The following SCAPER variants were observed in gnomAD, a reference collection of about 807,000 sequenced individuals.
The protein encoded by SCAPER is S phase cyclin A-associated protein in the endoplasmic reticulum.
In SCAPER, 98 loss-of-function variants were observed where a neutral mutation model predicts 182.2. That is an observed-to-expected ratio of 0.54 (90% CI 0.46 to 0.64). The LOEUF is 0.64. Among genes scored for constraint, SCAPER ranks in the 30% least tolerant of loss-of-function variants. The probability of loss-of-function intolerance (pLI) is 0.00; values close to 1 mark genes in which losing one functional copy is unlikely to be tolerated. For missense variants in SCAPER, 1,432 were observed against 1,690.0 expected (o/e 0.85, Z 2.68); for synonymous variants, 605 against 564.6 (o/e 1.07, Z -1.01).
chr15:76,855,940 A>G (rs1321853615), intron 4 of SCAPER: 2 of 352,054 alleles, frequency 5.7e-6, no homozygotes, highest in Non-Finnish European at 1.2e-5. Flanking sequence ...AGAGGAATAT[A>G]AATCATTCTA....
At chr15:76,827,078 A>G (rs914008143) in intron 5 of SCAPER, among the ~76,000 whole-genome samples, 27 of 152,226 alleles carry the variant, frequency 1.8e-4, no homozygotes, top group Non-Finnish European at 3.4e-4. Context: ...GACAAAAAAA[A>G]GTAAGGTGGA....
intron 5 of SCAPER, among the ~76,000 whole-genome samples, chr15:76,812,211 G>A (rs1598866683): frequency 6.6e-6 from 1 of 152,274 alleles, no homozygotes; most frequent in African/African-American, 2.4e-5. Flanking sequence ...CTACTCAGGA[G>A]GCTGAGGTGG....
At chr15:76,812,079 C>T (rs966960809) in intron 5 of SCAPER, among the ~76,000 whole-genome samples, 5 of 151,854 alleles carry the variant, frequency 3.3e-5, no homozygotes, top group Non-Finnish European at 5.9e-5. Context: ...TTTGGGAGGC[C>T]GAGGCAGGCA....
At chr15:76,530,963 G>A (rs564618594) in intron 23 of SCAPER, among the ~76,000 whole-genome samples, 1 of 151,042 alleles carries the variant, frequency 6.6e-6, no homozygotes, top group Non-Finnish European at 1.5e-5. Context: ...AGGTATATAT[G>A]TGTATATATA....
intron 22 of SCAPER, among the ~76,000 whole-genome samples, chr15:76,584,870 GTTCTATTCACAAAAGACTATA>G (rs1488487113): frequency 5.9e-5 from 9 of 151,998 alleles, no homozygotes; most frequent in Non-Finnish European, 1.3e-4. Context: ...AAATAAGAAA[GTTCTATTCACAAAAGACTATA>G]TTCCCAGAAT....
intron 5 of SCAPER, among the ~76,000 whole-genome samples, chr15:76,810,049 CA>C (rs1413029687): frequency 6.6e-6 from 1 of 151,950 alleles, no homozygotes; most frequent in Non-Finnish European, 1.5e-5. Flanking sequence ...CTTCCAAAGA[CA>C]AACAAAAGCT....
intron 4 of SCAPER, among the ~76,000 whole-genome samples, chr15:76,844,301 A>C (rs1026888788): frequency 1.3e-5 from 2 of 150,898 alleles, no homozygotes; most frequent in African/African-American, 4.9e-5. Flanking sequence ...CAGGCCAGGG[A>C]AAGAGGGAGG....
intron 20 of SCAPER, among the ~76,000 whole-genome samples, chr15:76,672,316 G>A (rs2057078741): frequency 6.6e-6 from 1 of 152,096 alleles, no homozygotes; most frequent in Non-Finnish European, 1.5e-5. Context: ...ATTTGCAAGA[G>A]AAAATTATCA....
chr15:76,381,685 T>C, intron 27 of SCAPER, 70 bp from the exon 28 acceptor site: 2 of 1,224,146 alleles, frequency 1.6e-6, no homozygotes, highest in South Asian at 1.4e-5. Flanking sequence ...ATAGGTTAAA[T>C]GAAACAAGAC....
chr15:76,838,101 A>G (rs1329472901), intron 5 of SCAPER, among the ~76,000 whole-genome samples: 1 of 152,174 alleles, frequency 6.6e-6, no homozygotes, highest in Non-Finnish European at 1.5e-5. Flanking sequence ...ATATGCACAC[A>G]TATGTTCACT....
chr15:76,440,918 G>GT lies in SCAPER; in HGVS notation c.3079-6609dup, dbSNP rs1187911987. Among the ~76,000 whole-genome samples, 215 of 62,654 alleles carry GT rather than the reference G, an allele frequency of 3.4e-3. 3 individuals are homozygous for GT. The highest frequency in any genetic ancestry group is 0.029 in the Middle Eastern group (2 of 70). The allele number at this position is 62,654 out of a possible 152,430, so 41.1% of individuals were successfully genotyped here. On this transcript the variant is annotated intron_variant, in intron 25 of 31. Transcript: ENST00000563290. ...TTATTCCCCTTCTGGTTTTTTTTTTGTTTTTTTTTTTTTTTTTTTTGGGGA... is the reference window on the plus strand; with the variant it reads ...TTATTCCCCTTCTGGTTTTTTTTTTGTTTTTTTTTTTTTTTTTTTTTGGGGA...
chr15:76,607,860 A>C (rs1250099188), intron 22 of SCAPER, among the ~76,000 whole-genome samples: 1 of 152,038 alleles, frequency 6.6e-6, no homozygotes, highest in Non-Finnish European at 1.5e-5. Flanking sequence ...CTTGGTTTTC[A>C]GCTCCATCAG....
chr15:76,816,398 CG>C (rs1018041735), intron 5 of SCAPER, among the ~76,000 whole-genome samples: 1 of 151,908 alleles, frequency 6.6e-6, no homozygotes, highest in African/African-American at 2.4e-5. Flanking sequence ...AATGAAGACA[CG>C]AACACACACA....
At chr15:76,575,565 C>A (rs906687557) in intron 22 of SCAPER, among the ~76,000 whole-genome samples, 3 of 152,218 alleles carry the variant, frequency 2.0e-5, no homozygotes, top group Non-Finnish European at 4.4e-5. Flanking sequence ...AATTTCACCA[C>A]ACAGGATGTA....
intron 23 of SCAPER, among the ~76,000 whole-genome samples, chr15:76,548,868 T>C (rs1176113167): frequency 6.6e-6 from 1 of 152,078 alleles, no homozygotes; most frequent in Non-Finnish European, 1.5e-5. Context: ...GCAATACCAT[T>C]CAGGACATAG....
chr15:76,585,392 G>C (rs1185636495), intron 22 of SCAPER, among the ~76,000 whole-genome samples: 2 of 152,104 alleles, frequency 1.3e-5, no homozygotes, highest in Non-Finnish European at 2.9e-5. Flanking sequence ...ATATGGGCTA[G>C]AGTCACATCC....
At chr15:76,694,030 C>G (rs559872833) in intron 20 of SCAPER, among the ~76,000 whole-genome samples, 9 of 151,560 alleles carry the variant, frequency 5.9e-5, no homozygotes, top group African/African-American at 1.9e-4. Flanking sequence ...AAGTGTAATG[C>G]CTCCAGCTTT....
At chr15:76,795,860 A>G (rs1184484763) in intron 7 of SCAPER, among the ~76,000 whole-genome samples, 8 of 152,300 alleles carry the variant, frequency 5.3e-5, no homozygotes, top group Admixed American at 5.2e-4. Flanking sequence ...CCAAGAGTTC[A>G]AAACCAGCCT....
chr15:76,750,526 C>A (rs1468053694), intron 15 of SCAPER, among the ~76,000 whole-genome samples: 1 of 151,822 alleles, frequency 6.6e-6, no homozygotes, highest in Non-Finnish European at 1.5e-5. Flanking sequence ...TGCAAAAACT[C>A]TCAACAAAAT....
Sources: gnomAD v4.1 joint callset for allele counts (sites outside exome capture counted in the v4.1 genomes callset) on GRCh38, gnomAD v4.1.1 for gene constraint, MANE v1.5 for transcripts, NCBI Gene and HGNC (gene_info 2026-07-23, HGNC 2026-07-21) for gene names.